ARRB1: variants seen among roughly 807,000 people sequenced by gnomAD.
ARRB1 encodes the protein beta-arrestin-1.
ARRB1 carries 21 observed loss-of-function variants against 56.8 expected under a neutral mutation model. The observed-to-expected ratio is 0.37, with a 90% CI of 0.26 to 0.53. ARRB1 has a LOEUF of 0.53. Among genes scored for constraint, ARRB1 ranks in the 20% least tolerant of loss-of-function variants. The pLI is 0.88. For missense variants in ARRB1, 424 were observed against 553.7 expected (o/e 0.77, Z 2.35); for synonymous variants, 210 against 218.6 (o/e 0.96, Z 0.35).
At chr11:75,348,603 T>A (rs923722936) in intron 1 of ARRB1, among the ~76,000 whole-genome samples, 6 of 152,006 alleles carry the variant, frequency 3.9e-5, no homozygotes, top group East Asian at 3.9e-4. Context: ...GGTATTTTTT[T>A]TTTTTATTTT....
Position 75,261,941 on chromosome 11 carries a change from G to A in ARRB1, c.*4222C>T, listed in dbSNP as rs1044834132. ...GGGACCTAACCCCTTCCTCCTGGATGGGTGGAGAGCAACCAGTCCCCAGTG... is the reference window on the plus strand; with the variant it reads ...GGGACCTAACCCCTTCCTCCTGGATAGGTGGAGAGCAACCAGTCCCCAGTG... On this transcript the variant is annotated 3_prime_UTR_variant, in exon 16 of 16. Transcript: ENST00000420843. 4 of 152,220 alleles carry A rather than the reference G, an allele frequency of 2.6e-5. No individual in the cohort carries two copies. Among genetic ancestry groups the A allele is most frequent in the African/African-American group, 9.7e-5 (4 of 41,444 alleles). The allele number at this position is 152,220 out of a possible 1,614,324, so 9.4% of individuals were successfully genotyped here.
chr11:75,341,172 CTG>C (rs1947688118), intron 1 of ARRB1, among the ~76,000 whole-genome samples: 2 of 152,130 alleles, frequency 1.3e-5, no homozygotes, highest in Non-Finnish European at 2.9e-5. Context: ...GAGTCTCACT[CTG>C]TCACTCAGGC....
intron 12 of ARRB1, among the ~76,000 whole-genome samples, chr11:75,272,385 G>C (rs1946091156): frequency 6.6e-6 from 1 of 152,226 alleles, no homozygotes; most frequent in South Asian, 2.1e-4. Context: ...GGAGATTTCA[G>C]GCAATGTTTG....
chr11:75,334,638 T>A (rs1947574291), intron 1 of ARRB1, among the ~76,000 whole-genome samples: 1 of 152,240 alleles, frequency 6.6e-6, no homozygotes, highest in Non-Finnish European at 1.5e-5. Context: ...AGGAAGGTCT[T>A]ATCTCCATTT....
At chr11:75,304,302 C>G (rs1946971214) in intron 1 of ARRB1, among the ~76,000 whole-genome samples, 1 of 151,766 alleles carries the variant, frequency 6.6e-6, no homozygotes, top group Non-Finnish European at 1.5e-5. Flanking sequence ...ACTATGGCAG[C>G]ATATCTCTGA....
chr11:75,348,740 G>A (rs757304928), intron 1 of ARRB1, among the ~76,000 whole-genome samples: 1 of 152,092 alleles, frequency 6.6e-6, no homozygotes, highest in Non-Finnish European at 1.5e-5. Flanking sequence ...TAGGACTATA[G>A]GCATGTGCCA....
Position 75,282,032 on chromosome 11 carries a change from G to C in ARRB1, c.355-11C>G. The C allele has an allele frequency of 6.2e-7, 1 of 1,614,032 alleles. No individual in the cohort carries two copies. Among genetic ancestry groups the C allele is most frequent in the Non-Finnish European group, 8.5e-7 (1 of 1,179,932 alleles). ...AAGGTTTGGAGGGATCTGTCAAGAA[G>C]AGGACAGAACGAGCCACCTGTCACA... On this transcript the variant is annotated splice_polypyrimidine_tract_variant and intron_variant, in intron 5 of 15. Coordinates refer to ENST00000420843, the MANE Select transcript of ARRB1 (RefSeq NM_004041.5).
At chr11:75,293,109 G>A (rs1300720581) in intron 1 of ARRB1, among the ~76,000 whole-genome samples, 1 of 152,116 alleles carries the variant, frequency 6.6e-6, no homozygotes, top group East Asian at 1.9e-4. Context: ...AGTGTGGCCA[G>A]CAGTGGGGAA....
chr11:75,307,328 C>G (rs1329338964), intron 1 of ARRB1, among the ~76,000 whole-genome samples: 1 of 152,174 alleles, frequency 6.6e-6, no homozygotes, highest in East Asian at 1.9e-4. Context: ...AGACAGGGGT[C>G]CTTCCTGAGG....
chr11:75,284,463 T>C (rs1044305500), intron 3 of ARRB1, 184 bp from the exon 4 acceptor site: 22 of 513,398 alleles, frequency 4.3e-5, no homozygotes, highest in Middle Eastern at 2.9e-4. Flanking sequence ...CCTTCCCCCA[T>C]CCCAGGCCAG....
chr11:75,351,319 C>A (rs192579986), intron 1 of ARRB1, among the ~76,000 whole-genome samples: 113 of 152,322 alleles, frequency 7.4e-4, no homozygotes, highest in Non-Finnish European at 1.1e-3. Flanking sequence ...TGCGTCTCTG[C>A]GGCTGCCGGC....
At chr11:75,312,053 G>A in intron 1 of ARRB1, 1 of 1,289,414 alleles carries the variant, frequency 7.8e-7, no homozygotes, top group South Asian at 1.2e-5. Context: ...TCCTCTAAGT[G>A]CTGATCACCT....
At chr11:75,310,046 C>T (rs1947123355) in intron 1 of ARRB1, among the ~76,000 whole-genome samples, 1 of 152,174 alleles carries the variant, frequency 6.6e-6, no homozygotes, top group Non-Finnish European at 1.5e-5. Context: ...TCTGGAGTGA[C>T]CTTCCCAGAA....
At chr11:75,269,570 C>G (rs958829187) in intron 13 of ARRB1, among the ~76,000 whole-genome samples, 1 of 152,234 alleles carries the variant, frequency 6.6e-6, no homozygotes, top group Admixed American at 6.5e-5. Flanking sequence ...GACCCAGCCA[C>G]CAGCCAGTGC....
chr11:75,335,568 G>C (rs1591987085), intron 1 of ARRB1, among the ~76,000 whole-genome samples: 2 of 143,290 alleles, frequency 1.4e-5, no homozygotes, highest in South Asian at 4.4e-4. Flanking sequence ...CTGGGCAACA[G>C]AGCCAGGCCC....
intron 1 of ARRB1, among the ~76,000 whole-genome samples, chr11:75,341,023 C>T (rs765128894): frequency 3.3e-5 from 5 of 151,952 alleles, no homozygotes; most frequent in East Asian, 1.9e-4. Flanking sequence ...CCCACCCCCG[C>T]GCACTCAGCT....
At chr11:75,267,534 G>A in intron 15 of ARRB1, 118 bp downstream of exon 15, 1 of 1,056,044 alleles carries the variant, frequency 9.5e-7, no homozygotes, top group Non-Finnish European at 1.4e-6. Flanking sequence ...GTGGCTCTCA[G>A]CAGACGGGGT....
At chr11:75,294,472 G>A (rs1199499438) in intron 1 of ARRB1, among the ~76,000 whole-genome samples, 1 of 151,934 alleles carries the variant, frequency 6.6e-6, no homozygotes, top group Non-Finnish European at 1.5e-5. Context: ...CAGAAGAATC[G>A]CTTCAACCAG....
intron 1 of ARRB1, among the ~76,000 whole-genome samples, chr11:75,332,420 T>C (rs541709600): frequency 7.4e-4 from 112 of 152,222 alleles, no homozygotes; most frequent in Admixed American, 1.3e-3. Flanking sequence ...ACTAAAAGTC[T>C]AGCACCTTTT....
Sources: gnomAD v4.1 joint callset for allele counts (sites outside exome capture counted in the v4.1 genomes callset) on GRCh38, gnomAD v4.1.1 for gene constraint, MANE v1.5 for transcripts, NCBI Gene and HGNC (gene_info 2026-07-23, HGNC 2026-07-21) for gene names.